The following GPR158 variants were observed in gnomAD, a reference collection of about 807,000 sequenced individuals.
GPR158 encodes the protein metabotropic glycine receptor.
In GPR158, 30 loss-of-function variants were observed where a neutral mutation model predicts 78.2. The ratio of observed to expected loss-of-function variants is 0.38; its 90% confidence interval spans 0.29 to 0.52. GPR158 has a LOEUF of 0.52. GPR158 is among the 20% of genes least tolerant of loss of function. The pLI is 0.83. For synonymous variants in GPR158, 581 were observed against 591.1 expected (o/e 0.98, Z 0.25); for missense variants, 1,463 against 1,523.5 (o/e 0.96, Z 0.66).
At chr10:25,584,393 T>G (rs961898133) in intron 7 of GPR158, among the ~76,000 whole-genome samples, 4 of 152,204 alleles carry the variant, frequency 2.6e-5, no homozygotes, top group Non-Finnish European at 4.4e-5. Context: ...TAATAAATTG[T>G]TTTTCAGCTA....
intron 7 of GPR158, 43 bp downstream of exon 7, chr10:25,572,930 A>G (rs1325874609): frequency 3.5e-6 from 4 of 1,139,808 alleles, no homozygotes; most frequent in East Asian, 2.3e-5. Flanking sequence ...ACCATTTTTC[A>G]GTAGCATTAC....
rs752386158 is a variant in GPR158 at position 25,241,125 on chromosome 10, TTTTCTTTCTTTCTTTCTTTCTTTCTTTC to T, written c.1008+20005_1008+20032del. Among the ~76,000 whole-genome samples the T allele has an allele frequency of 1.1e-3, 114 of 108,516 alleles. 2 individuals are homozygous for T. Among genetic ancestry groups the T allele is most frequent in the South Asian group, 2.1e-3 (6 of 2,818 alleles). 71.2% of individuals were successfully genotyped at this position (108,516 alleles called of 152,430 possible). A position where few individuals can be genotyped will look rare whatever the true frequency, so the allele number is the denominator to read the frequency against. ...ACCAAATATTGAATTTTTACTTTGA[TTTTCTTTCTTTCTTTCTTTCTTTCTTTC>T]TTTCTTTCTTTCTTTCTTTCTTTCT... is the stretch of plus-strand genomic sequence containing the variant. On this transcript the variant is annotated intron_variant, in intron 2 of 10. Coordinates refer to ENST00000376351, the MANE Select transcript of GPR158 (RefSeq NM_020752.3).
chr10:25,272,962 A>T (rs535688181), intron 2 of GPR158, among the ~76,000 whole-genome samples: 1 of 152,326 alleles, frequency 6.6e-6, no homozygotes, highest in East Asian at 1.9e-4. Flanking sequence ...ATGGGATTCT[A>T]GATCATAAAA....
intron 2 of GPR158, among the ~76,000 whole-genome samples, chr10:25,282,066 TAATC>T (rs1854283211): frequency 1.3e-5 from 2 of 152,212 alleles, no homozygotes; most frequent in African/African-American, 2.4e-5. Context: ...TCCATCATCA[TAATC>T]AAGCAACAAA....
intron 5 of GPR158, among the ~76,000 whole-genome samples, chr10:25,502,222 G>A (rs965283419): frequency 3.3e-5 from 5 of 152,152 alleles, no homozygotes; most frequent in African/African-American, 1.2e-4. Context: ...GACCAGTCAT[G>A]ATTTCCACAG....
intron 1 of GPR158, among the ~76,000 whole-genome samples, chr10:25,201,420 G>T (rs768219144): frequency 1.3e-5 from 2 of 151,982 alleles, no homozygotes; most frequent in Admixed American, 6.6e-5. Flanking sequence ...GAGTTTTCTG[G>T]GTATAATATC....
At chr10:25,508,282 C>A (rs1377411637) in intron 5 of GPR158, among the ~76,000 whole-genome samples, 1 of 152,110 alleles carries the variant, frequency 6.6e-6, no homozygotes, top group East Asian at 1.9e-4. Flanking sequence ...AAAACTGAAA[C>A]CACATGCTCA....
At chr10:25,183,049 G>A (rs1852633170) in intron 1 of GPR158, among the ~76,000 whole-genome samples, 1 of 152,168 alleles carries the variant, frequency 6.6e-6, no homozygotes, top group South Asian at 2.1e-4. Flanking sequence ...AGTGGGGCTT[G>A]TTTTGCTTGC....
chr10:25,187,535 A>G (rs531730004), intron 1 of GPR158, among the ~76,000 whole-genome samples: 2 of 152,328 alleles, frequency 1.3e-5, no homozygotes, highest in East Asian at 3.9e-4. Flanking sequence ...CAAAAACCAC[A>G]TGATTATCTC....
At chr10:25,346,379 A>G (rs1374252514) in intron 2 of GPR158, among the ~76,000 whole-genome samples, 1 of 151,916 alleles carries the variant, frequency 6.6e-6, no homozygotes, top group African/African-American at 2.4e-5. Context: ...ATACTTAGGA[A>G]TTATTCCTAG....
intron 8 of GPR158, among the ~76,000 whole-genome samples, chr10:25,593,113 G>A (rs1588927648): frequency 6.6e-6 from 1 of 151,136 alleles, no homozygotes; most frequent in East Asian, 1.9e-4. Flanking sequence ...TGTATTTTAT[G>A]TATGTTACAA....
intron 6 of GPR158, among the ~76,000 whole-genome samples, chr10:25,560,640 G>A (rs1004444725): frequency 3.9e-5 from 6 of 152,160 alleles, no homozygotes; most frequent in African/African-American, 9.7e-5. Flanking sequence ...GTGCAACTAC[G>A]CTTTGAGAAT....
chr10:25,468,295 T>G (rs1246126666), intron 5 of GPR158, among the ~76,000 whole-genome samples: 1 of 152,182 alleles, frequency 6.6e-6, no homozygotes, highest in African/African-American at 2.4e-5. Flanking sequence ...TCCCCACTCC[T>G]GCTCATGTCT....
At chr10:25,255,832 C>T (rs531079967) in intron 2 of GPR158, among the ~76,000 whole-genome samples, 27 of 152,310 alleles carry the variant, frequency 1.8e-4, no homozygotes, top group African/African-American at 6.3e-4. Flanking sequence ...ACATCCACAA[C>T]ATTCCTTCAT....
chr10:25,341,747 T>A (rs1464100182), intron 2 of GPR158, among the ~76,000 whole-genome samples: 1 of 151,918 alleles, frequency 6.6e-6, no homozygotes, highest in Admixed American at 6.6e-5. Flanking sequence ...TATTCTGGAT[T>A]TTAGCCTGAT....
At chr10:25,428,195 T>C (rs1431799946) in intron 4 of GPR158, among the ~76,000 whole-genome samples, 2 of 152,104 alleles carry the variant, frequency 1.3e-5, no homozygotes, top group African/African-American at 4.8e-5. Flanking sequence ...TGTTTTTCTA[T>C]TGAACAGTAC....
intron 2 of GPR158, among the ~76,000 whole-genome samples, chr10:25,287,094 G>A (rs974911331): frequency 1.3e-5 from 2 of 151,966 alleles, no homozygotes; most frequent in Non-Finnish European, 2.9e-5. Context: ...TCATTTCTTA[G>A]GGTTATGAGT....
chr10:25,180,101 C>A lies in GPR158; in HGVS notation c.902+3779C>A, dbSNP rs946724854. Among the ~76,000 whole-genome samples, 27 of 152,060 alleles carry A rather than the reference C, an allele frequency of 1.8e-4. 1 individual carries two copies. Among genetic ancestry groups the A allele is most frequent in the African/African-American group, 6.5e-4 (27 of 41,410 alleles). On this transcript the variant is annotated intron_variant, in intron 1 of 10. Coordinates refer to ENST00000376351, the MANE Select transcript of GPR158 (RefSeq NM_020752.3). Reference sequence around the variant, plus strand: ...TTAAAATTCCTTTAAAGAATTAATTCTCGATGAGCCTGAGAGGGAATTTGG... The same window carrying A: ...TTAAAATTCCTTTAAAGAATTAATTATCGATGAGCCTGAGAGGGAATTTGG...
chr10:25,330,877 T>C (rs142290254), intron 2 of GPR158, among the ~76,000 whole-genome samples: 2 of 152,356 alleles, frequency 1.3e-5, no homozygotes, highest in East Asian at 3.9e-4. Flanking sequence ...TCCTATATAT[T>C]GAATGCCCAA....
Sources: allele counts gnomAD v4.1 joint callset (sites outside exome capture counted in the v4.1 genomes callset), GRCh38; gene constraint gnomAD v4.1.1; transcripts MANE v1.5; gene names NCBI Gene and HGNC (gene_info 2026-07-23, HGNC 2026-07-21).